The following TNFRSF21 variants were observed in gnomAD, a reference collection of about 807,000 sequenced individuals.
The protein encoded by TNFRSF21 is tumor necrosis factor receptor superfamily member 21.
A neutral mutation model predicts 45.6 loss-of-function variants in TNFRSF21; 19 were observed. The observed-to-expected ratio is 0.42, with a 90% confidence interval of 0.29 to 0.61. TNFRSF21 has a LOEUF of 0.61. Ranked by LOEUF, TNFRSF21 falls within the 20% of genes least tolerant of loss-of-function variation. The probability of loss-of-function intolerance (pLI) is 0.23; values close to 1 mark genes in which losing one functional copy is unlikely to be tolerated. For synonymous variants in TNFRSF21, 314 were observed against 335.5 expected (o/e 0.94, Z 0.70); for missense variants, 737 against 851.5 (o/e 0.87, Z 1.67).
intron 3 of TNFRSF21, among the ~76,000 whole-genome samples, chr6:47,271,610 C>T (rs774832415): frequency 2.2e-4 from 33 of 152,214 alleles, no homozygotes; most frequent in East Asian, 3.9e-4. Context: ...CATCAATTAA[C>T]GGGCAAAATA....
At chr6:47,268,389 A>G (rs1762364409) in intron 3 of TNFRSF21, among the ~76,000 whole-genome samples, 1 of 152,230 alleles carries the variant, frequency 6.6e-6, no homozygotes, top group South Asian at 2.1e-4. Flanking sequence ...GCTTTCATAT[A>G]GATTTATCCT....
rs1378555197 is a variant in TNFRSF21, at chr6:47,247,445, A to G, written c.1509+5811T>C. On this transcript the variant is annotated intron_variant, in intron 4 of 5. Coordinates refer to ENST00000296861, the MANE Select transcript of TNFRSF21 (RefSeq NM_014452.5). ...ATCCCTAATTTCTAAGAGATGACAAATTGGAAAATTAATGACAAAGACTAA... is the reference window on the plus strand; with the variant it reads ...ATCCCTAATTTCTAAGAGATGACAAGTTGGAAAATTAATGACAAAGACTAA... Among the ~76,000 whole-genome samples, 3 of 152,224 alleles carry G rather than the reference A, an allele frequency of 2.0e-5. No homozygotes were observed. In the East Asian group the frequency reaches 5.8e-4, roughly 29 times the overall value.
At chr6:47,257,879 G>T (rs754643386) in intron 3 of TNFRSF21, among the ~76,000 whole-genome samples, 2 of 152,222 alleles carry the variant, frequency 1.3e-5, no homozygotes, top group Non-Finnish European at 2.9e-5. Flanking sequence ...TGGGGTTGGT[G>T]ACTAGTGCAA....
At chr6:47,278,947 A>G (rs1254604529) in intron 3 of TNFRSF21, among the ~76,000 whole-genome samples, 2 of 152,270 alleles carry the variant, frequency 1.3e-5, no homozygotes, top group African/African-American at 2.4e-5. Context: ...AAGGCAGAGC[A>G]GAGAAACTGA....
At chr6:47,303,618 T>C (rs1239436869) in intron 1 of TNFRSF21, among the ~76,000 whole-genome samples, 2 of 152,170 alleles carry the variant, frequency 1.3e-5, no homozygotes, top group African/African-American at 2.4e-5. Context: ...TAAGTATCAG[T>C]GAACCCCACC....
chr6:47,259,751 A>C (rs952524438), intron 3 of TNFRSF21, among the ~76,000 whole-genome samples: 2 of 152,150 alleles, frequency 1.3e-5, no homozygotes, highest in African/African-American at 4.8e-5. Flanking sequence ...TCATCAAAGG[A>C]GTCAAGCCCT....
rs749910130 is a variant in TNFRSF21, at chr6:47,234,712, C to T, written c.1696G>A (p.Gly566Ser). 5 of 1,611,466 alleles carry T rather than the reference C, an allele frequency of 3.1e-6. No individual in the cohort carries two copies. The South Asian group carries it at 3.3e-5, about 11-fold the overall frequency. ...PLLRCDSTSS[G>S]SSALSRNGSF... ...CCGTTCCTGCTCAGCGCGGAGGAGC[C>T]GCTGGATGTAGAGTCACAGCGGAGA... Residue 566 changes from glycine (G) to serine (S), a missense_variant, in exon 5 of 6, where the codon GGC becomes AGC. Coordinates refer to ENST00000296861, the MANE Select transcript of TNFRSF21 (RefSeq NM_014452.5).
rs368982565 is a variant in TNFRSF21, at chr6:47,253,412, C to G, written c.1353G>C (p.Gly451=). The part of the protein sequence containing the change: ...SEREVAAFSN[G]YTADHERAYA... ...AGGCCCGCTCGTGGTCGGCTGTGTA[C>G]CCATTGGAGAAAGCAGCAACCTCCC... Residue 451 remains glycine (G), a synonymous_variant, in exon 4 of 6, where the codon GGG becomes GGC. Transcript: ENST00000296861. The G allele has an allele frequency of 6.2e-7, 1 of 1,614,036 alleles. No homozygotes were observed. Among genetic ancestry groups the G allele is most frequent in the African/African-American group, 1.3e-5 (1 of 74,920 alleles).
At chr6:47,300,179 C>T (rs913050004) in intron 1 of TNFRSF21, among the ~76,000 whole-genome samples, 3 of 152,158 alleles carry the variant, frequency 2.0e-5, no homozygotes, top group Admixed American at 6.5e-5. Context: ...ATCACAGGCA[C>T]CTCAAAATTA....
chr6:47,289,716 G>A (rs1162024410), intron 1 of TNFRSF21, among the ~76,000 whole-genome samples: 6 of 152,144 alleles, frequency 3.9e-5, no homozygotes, highest in African/African-American at 7.2e-5. Flanking sequence ...AATACCAGCC[G>A]GGCACGGTGG....
intron 3 of TNFRSF21, among the ~76,000 whole-genome samples, chr6:47,257,460 C>T (rs1464947127): frequency 6.6e-6 from 1 of 152,206 alleles, no homozygotes; most frequent in East Asian, 1.9e-4. Flanking sequence ...CAATGACTCC[C>T]TCAGGGGATA....
intron 1 of TNFRSF21, among the ~76,000 whole-genome samples, chr6:47,288,912 G>C (rs149120537): frequency 6.6e-6 from 1 of 152,202 alleles, no homozygotes; most frequent in East Asian, 1.9e-4. Flanking sequence ...CCATAGCTAC[G>C]AAAGCATGGG....
chr6:47,259,130 C>A (rs901628703), intron 3 of TNFRSF21, among the ~76,000 whole-genome samples: 10 of 152,360 alleles, frequency 6.6e-5, no homozygotes, highest in South Asian at 2.1e-4. Flanking sequence ...CAATTATTAA[C>A]CTCAATGTGA....
rs1383225872 is a variant in TNFRSF21, at chr6:47,253,335, T to G, written c.1430A>C (p.Gln477Pro). 1 of 1,613,988 alleles carries G rather than the reference T, an allele frequency of 6.2e-7. No individual in the cohort carries two copies. Reference sequence around the variant, plus strand: ...GTGCTGGCGCAGGGCGCTAATTAGCTGGGCGAGGCTGGCCTCGGGGCCCCG... The same window carrying G: ...GTGCTGGCGCAGGGCGCTAATTAGCGGGGCGAGGCTGGCCTCGGGGCCCCG... ...TIRGPEASLA[Q>P]LISALRQHRR... Residue 477 changes from glutamine to proline, a missense_variant, in exon 4 of 6, where the codon CAG becomes CCG. Transcript: ENST00000296861.
chr6:47,304,243 T>C (rs1582365368), intron 1 of TNFRSF21, among the ~76,000 whole-genome samples: 1 of 146,566 alleles, frequency 6.8e-6, no homozygotes, highest in Admixed American at 6.9e-5. Context: ...AGCCCCTGAA[T>C]AGTAATGATC....
chr6:47,263,705 C>A (rs982188945), intron 3 of TNFRSF21, among the ~76,000 whole-genome samples: 1 of 152,174 alleles, frequency 6.6e-6, no homozygotes, highest in East Asian at 1.9e-4. Flanking sequence ...TTGTCACACT[C>A]TATGGAAAAA....
At chr6:47,243,162 A>G (rs1764771976) in intron 4 of TNFRSF21, among the ~76,000 whole-genome samples, 1 of 152,208 alleles carries the variant, frequency 6.6e-6, no homozygotes, top group Non-Finnish European at 1.5e-5. Context: ...CATATGGTCT[A>G]CAAGTCTAAG....
At chr6:47,267,399 C>T (rs1041665903) in intron 3 of TNFRSF21, among the ~76,000 whole-genome samples, 2 of 152,160 alleles carry the variant, frequency 1.3e-5, no homozygotes, top group East Asian at 3.8e-4. Flanking sequence ...CGCACCTGGC[C>T]TCACACTCTG....
chr6:47,252,051 T>G (rs1764908233), intron 4 of TNFRSF21, among the ~76,000 whole-genome samples: 1 of 152,200 alleles, frequency 6.6e-6, no homozygotes, highest in Non-Finnish European at 1.5e-5. Context: ...GGATAAAAGA[T>G]TCACCTGATA....
Sources: allele counts gnomAD v4.1 joint callset (sites outside exome capture counted in the v4.1 genomes callset), GRCh38; gene constraint gnomAD v4.1.1; transcripts MANE v1.5; gene names NCBI Gene and HGNC (gene_info 2026-07-23, HGNC 2026-07-21).